The following DOCK6 variants were observed in gnomAD, a reference collection of about 807,000 sequenced individuals.
DOCK6 encodes the protein dedicator of cytokinesis 6.
A neutral mutation model predicts 230.3 loss-of-function variants in DOCK6; 167 were observed. The observed-to-expected ratio is 0.73, with a 90% confidence interval of 0.64 to 0.82. DOCK6 has a LOEUF of 0.82. Among genes scored for constraint, DOCK6 ranks in the 40% least tolerant of loss-of-function variants. The probability of loss-of-function intolerance (pLI) is 0.00; values close to 1 mark genes in which losing one functional copy is unlikely to be tolerated. For missense variants in DOCK6, 2,598 were observed against 2,825.8 expected (o/e 0.92, Z 1.83); for synonymous variants, 1,148 against 1,185.0 (o/e 0.97, Z 0.64).
chr19:11,242,461 G>A (rs1041043315), intron 13 of DOCK6, among the ~76,000 whole-genome samples: 1 of 151,816 alleles, frequency 6.6e-6, no homozygotes, highest in African/African-American at 2.4e-5. Context: ...GGGCGATCTC[G>A]GCTCACTGCA....
chr19:11,228,330 C>G (rs1007457548), intron 23 of DOCK6, among the ~76,000 whole-genome samples: 1 of 151,764 alleles, frequency 6.6e-6, no homozygotes, highest in Non-Finnish European at 1.5e-5. Flanking sequence ...TCTCTCTATC[C>G]AGGAATATCT....
At position 11,200,908 on chromosome 19, in the gene DOCK6, C is replaced by G; in HGVS notation, c.5832+1G>C. 1 of 1,613,906 alleles carries G rather than the reference C, an allele frequency of 6.2e-7. No individual in the cohort carries two copies. Among genetic ancestry groups the G allele is most frequent in the Non-Finnish European group, 8.5e-7 (1 of 1,179,860 alleles). ...TTGCATCCCCCTTCCACCAGCCGTGCCTGGTTCACGGTGGGCCCTACAGAG... is the reference window on the plus strand; with the variant it reads ...TTGCATCCCCCTTCCACCAGCCGTGGCTGGTTCACGGTGGGCCCTACAGAG... On this transcript the variant is annotated splice_donor_variant, in intron 45 of 47. Coordinates refer to ENST00000294618, the MANE Select transcript of DOCK6 (RefSeq NM_020812.4). LOFTEE classifies it high-confidence loss of function. This position sits in a 1 kb window ranked among gnomAD's most constrained non-coding sequence, Gnocchi z 4.3.
chr19:11,218,424 G>A (rs1276464986), intron 28 of DOCK6, among the ~76,000 whole-genome samples: 1 of 152,188 alleles, frequency 6.6e-6, no homozygotes, highest in African/African-American at 2.4e-5. Flanking sequence ...TAGGATTACA[G>A]GCGTGAGCCA....
At chr19:11,234,343 G>A in intron 21 of DOCK6, among the ~76,000 whole-genome samples, 1 of 151,132 alleles carries the variant, frequency 6.6e-6, no homozygotes, top group Non-Finnish European at 1.5e-5. Context: ...CTGATCTCAG[G>A]TGATCCACTT....
At chr19:11,203,317 G>A (rs2147702241) in intron 41 of DOCK6, 1 of 165,054 alleles carries the variant, frequency 6.1e-6, no homozygotes, top group South Asian at 1.6e-4. Flanking sequence ...CAGACATGGT[G>A]GGGCCAGAGG....
At position 11,243,329 on chromosome 19, in the gene DOCK6, T is replaced by G. The variant is rs780380465; in HGVS notation, c.1315A>C (p.Ser439Arg). The change falls in exon 12 of 48, where the codon AGT (serine) becomes CGT (arginine). Residue 439 changes from serine to arginine, a missense_variant. Coordinates refer to ENST00000294618, the MANE Select transcript of DOCK6 (RefSeq NM_020812.4). This position sits in a 1 kb window ranked among gnomAD's most constrained non-coding sequence, Gnocchi z 6.3. Reference sequence around the variant, plus strand: ...GAGAAGCTGCAGGCGTCGTCCCCACTACTCGCCCGGTCCTGGGGCCCCCGA... The same window carrying G: ...GAGAAGCTGCAGGCGTCGTCCCCACGACTCGCCCGGTCCTGGGGCCCCCGA... ...RRRGPQDRAS[S>R]GDDACSFSGF... is the part of the protein sequence containing the mutation. 5.0e-6 allele frequency: 8 copies of G among 1,599,378 alleles called. No homozygotes were observed. Among genetic ancestry groups the G allele is most frequent in the Non-Finnish European group, 6.8e-6 (8 of 1,173,828 alleles).
chr19:11,242,121 C>A lies in DOCK6; in HGVS notation c.1567G>T (p.Asp523Tyr). ...PELLHIKPYP[D>Y]PRGRPTKEIL... The stretch of plus-strand genomic sequence containing the variant: ...TCCTTGGTGGGCCGGCCCCTGGGGT[C>A]CGGGTAGGGCTTGATATGAAGCAGC... Residue 523 changes from aspartate to tyrosine, a missense_variant, in exon 14 of 48, where the codon GAC (aspartate) becomes TAC (tyrosine). Coordinates refer to ENST00000294618, the MANE Select transcript of DOCK6 (RefSeq NM_020812.4). 1 of 1,509,302 alleles carries A rather than the reference C, an allele frequency of 6.6e-7. No homozygotes were observed. Among genetic ancestry groups the A allele is most frequent in the Non-Finnish European group, 8.8e-7 (1 of 1,131,784 alleles). 93.5% of individuals were successfully genotyped at this position (1,509,302 alleles called of 1,614,324 possible).
At position 11,217,319 on chromosome 19, in the gene DOCK6, C is replaced by A. The variant is rs1469145662; in HGVS notation, c.3623G>T (p.Gly1208Val). 1.2e-6 allele frequency: 2 copies of A among 1,613,388 alleles called. No individual in the cohort carries two copies. The highest frequency in any genetic ancestry group is 1.7e-6 in the Non-Finnish European group (2 of 1,179,750). The change falls in exon 29 of 48, where the codon GGT (glycine) becomes GTT (valine). Residue 1208 changes from glycine to valine, a missense_variant. By Grantham distance (109) the Gly-to-Val change is moderately radical. Coordinates refer to ENST00000294618, the MANE Select transcript of DOCK6 (RefSeq NM_020812.4). ...CATGGCCACAGAGGGGTTGATGGTA[C>A]CCGCAATGTCCCCTTCGCCTTCTGT... ...SDTEGEGDIA[G>V]TINPSVAMAI... is the part of the protein sequence containing the mutation.
In DOCK6 at chr19:11,236,762, C is replaced by A. The variant is rs374625883; in HGVS notation, c.2160+31G>T. ...TAGGGCAGGCAAGAGGGGAGCAGGG[C>A]GGGACTCTTGGTTCCCGGCCCACCC... is the stretch of plus-strand genomic sequence containing the variant. On this transcript the variant is annotated intron_variant, in intron 19 of 47. Transcript: ENST00000294618. This position sits in a 1 kb window ranked among gnomAD's most constrained non-coding sequence, Gnocchi z 5.2. The A allele has an allele frequency of 1.9e-6, 3 of 1,550,780 alleles. No homozygotes were observed. Among genetic ancestry groups the A allele is most frequent in the Non-Finnish European group, 2.6e-6 (3 of 1,146,658 alleles).
At chr19:11,235,170 C>T (rs548300065) in intron 21 of DOCK6, among the ~76,000 whole-genome samples, 96 of 152,242 alleles carry the variant, frequency 6.3e-4, no homozygotes, top group African/African-American at 2.2e-3. Flanking sequence ...GGCTGGAGTG[C>T]GGTGGCATGA....
At position 11,252,510 on chromosome 19, in the gene DOCK6, T is replaced by C. The variant is rs1395597372; in HGVS notation, c.349A>G (p.Ile117Val). ...CTGTGGACAATGACCCAGTCCTCAA[T>C]ATACATCTCCACCGCGGCCCTCACC... is the stretch of plus-strand genomic sequence containing the variant. ...AQVRAAVEMY[I>V]EDWVIVHRRY... The change falls in exon 4 of 48, where the codon ATT becomes GTT. Residue 117 changes from isoleucine to valine, a missense_variant. By Grantham distance (29) the Ile-to-Val change is conservative (BLOSUM62 3). Coordinates refer to ENST00000294618, the MANE Select transcript of DOCK6 (RefSeq NM_020812.4). 6.2e-7 allele frequency: 1 copy of C among 1,613,874 alleles called. No homozygotes were observed. Among genetic ancestry groups the C allele is most frequent in the Admixed American group, 1.7e-5 (1 of 60,016 alleles).
chr19:11,227,403 G>C lies in DOCK6; in HGVS notation c.2889C>G (p.Arg963=). 1 of 1,613,776 alleles carries C rather than the reference G, an allele frequency of 6.2e-7. No homozygotes were observed. Among genetic ancestry groups the C allele is most frequent in the South Asian group, 1.1e-5 (1 of 91,068 alleles). ...CCAAGGCAGTGATGTCGTCCAGGAA[G>C]CGTCCGGGGAAGCGCAGCTTGCGGG... ...DTPRKLRFPG[R]FLDDITALVG... The change falls in exon 24 of 48, where the codon CGC becomes CGG. Residue 963 remains arginine, a synonymous_variant. Transcript: ENST00000294618.
At position 11,200,646 on chromosome 19, in the gene DOCK6, A is replaced by T; in HGVS notation, c.5939+70T>A. 6.6e-7 allele frequency: 1 copy of T among 1,510,614 alleles called. No homozygotes were observed. The highest frequency in any genetic ancestry group is 1.2e-5 in the South Asian group (1 of 84,090). 93.6% of individuals were successfully genotyped at this position (1,510,614 alleles called of 1,614,324 possible). A position where few individuals can be genotyped will look rare whatever the true frequency, so the allele number is the denominator to read the frequency against. ...CAGATGGGGGAGCCATGCAGAGATC[A>T]GATGGGCAGAGAGCAGGCCTATGCA... On this transcript the variant is annotated intron_variant, in intron 46 of 47. Transcript: ENST00000294618. The surrounding 1 kb of genome is among the most constrained non-coding windows in gnomAD (Gnocchi z 4.3).
At chr19:11,211,899 G>A in intron 36 of DOCK6, 23 bp from the exon 37 acceptor site, 2 of 1,557,488 alleles carry the variant, frequency 1.3e-6, no homozygotes, top group Non-Finnish European at 1.7e-6. Flanking sequence ...AACGTCCAGG[G>A]GCCAATGAGA....
In DOCK6 at chr19:11,252,903, C is replaced by A. The variant is rs776824883; in HGVS notation, c.188G>T (p.Arg63Leu). 2 of 1,613,188 alleles carry A rather than the reference C, an allele frequency of 1.2e-6. No individual in the cohort carries two copies. Among genetic ancestry groups the A allele is most frequent in the Non-Finnish European group, 1.7e-6 (2 of 1,179,662 alleles). The change falls in exon 3 of 48, where the codon CGG (arginine) becomes CTG (leucine). Residue 63 changes from arginine (R) to leucine (L), a missense_variant. Coordinates refer to ENST00000294618, the MANE Select transcript of DOCK6 (RefSeq NM_020812.4). ...PLDFEDVLLS[R>L]PPDAEPGPLR... Reference sequence around the variant, plus strand: ...GGGCCCGGGCTCAGCATCTGGTGGCCGGCTCAGAAGTACATCCTCAAAGTC... The same window carrying A: ...GGGCCCGGGCTCAGCATCTGGTGGCAGGCTCAGAAGTACATCCTCAAAGTC...
chr19:11,235,802 C>T (rs2079837436), intron 20 of DOCK6, 43 bp from the exon 21 acceptor site: 2 of 1,540,358 alleles, frequency 1.3e-6, no homozygotes, highest in African/African-American at 1.4e-5. Context: ...CCCAAGGCCT[C>T]TCACCTCCCC....
intron 39 of DOCK6, chr19:11,205,790 ATTTTTT>A (rs34850891): frequency 1.5e-5 from 2 of 134,692 alleles, no homozygotes; most frequent in African/African-American, 2.8e-5. Context: ...AATTTTTTGT[ATTTTTT>A]TTTTTTTTTG....
rs1332681296 is a variant in DOCK6 at position 11,235,610 on chromosome 19, T to C, written c.2542A>G (p.Ser848Gly). The change falls in exon 21 of 48, where the codon AGC becomes GGC. Residue 848 changes from serine to glycine, a missense_variant. Physicochemically the swap from Ser to Gly is moderately conservative, Grantham distance 56. Transcript: ENST00000294618. ...YAFRLPGTEP[S>G]LPDGAPPVTV... is the part of the protein sequence containing the mutation. ...TCTACAAACTCACCATCCGGGAGGC[T>C]GGGCTCAGTGCCAGGAAGGCGAAAG... The C allele has an allele frequency of 1.3e-6, 2 of 1,592,272 alleles. No individual in the cohort carries two copies. The highest frequency in any genetic ancestry group is 1.7e-6 in the Non-Finnish European group (2 of 1,166,340).
intron 28 of DOCK6, among the ~76,000 whole-genome samples, chr19:11,220,162 C>CCA (rs2079558545): frequency 6.6e-6 from 1 of 152,014 alleles, no homozygotes; most frequent in Non-Finnish European, 1.5e-5. Flanking sequence ...CCATGTTGTC[C>CCA]AGGCTGGTCT....
Sources: gnomAD v4.1 joint callset for allele counts (sites outside exome capture counted in the v4.1 genomes callset) on GRCh38, gnomAD v4.1.1 for gene constraint, Gnocchi (gnomAD v3.1) non-coding constraint, MANE v1.5 for transcripts, NCBI Gene and HGNC (gene_info 2026-07-23, HGNC 2026-07-21) for gene names.